DNAJC5B: variants seen among roughly 807,000 people sequenced by gnomAD.
The protein encoded by DNAJC5B is dnaJ homolog subfamily C member 5B.
A neutral mutation model predicts 24.7 loss-of-function variants in DNAJC5B; 23 were observed. That is an observed-to-expected ratio of 0.93 (90% CI 0.67 to 1.32). The LOEUF (loss-of-function observed/expected upper bound fraction) is 1.32, where lower values mean the gene tolerates loss of function less well. Among genes scored for constraint, DNAJC5B ranks in the 40% most tolerant of loss-of-function variants. The pLI, the probability that DNAJC5B is intolerant of heterozygous loss-of-function variation, is 0.00. For missense variants in DNAJC5B, 238 were observed against 240.8 expected (o/e 0.99, Z 0.08); for synonymous variants, 101 against 90.1 (o/e 1.12, Z -0.68).
At chr8:66,092,688 A>G (rs1037410414) in intron 5 of DNAJC5B, among the ~76,000 whole-genome samples, 1 of 152,150 alleles carries the variant, frequency 6.6e-6, no homozygotes, top group African/African-American at 2.4e-5. Context: ...TAGTATTACA[A>G]CTATATTTAT....
At position 66,044,366 on chromosome 8, in the gene DNAJC5B, G is replaced by A. The variant is rs952066128; in HGVS notation, c.-18+755G>A. The stretch of plus-strand genomic sequence containing the variant: ...TGTGTTTAATGATCTAATCTCCTCT[G>A]CCCACATTCATTTTCTCAGTTGTGA... On this transcript the variant is annotated intron_variant, in intron 2 of 5. Transcript: ENST00000276570. Among the ~76,000 whole-genome samples the A allele has an allele frequency of 2.0e-5, 3 of 152,218 alleles. No individual in the cohort carries two copies. The East Asian group carries it at 5.8e-4, about 29-fold the overall frequency.
At chr8:66,037,553 G>A (rs990316185) in intron 1 of DNAJC5B, among the ~76,000 whole-genome samples, 3 of 152,204 alleles carry the variant, frequency 2.0e-5, no homozygotes, top group Non-Finnish European at 4.4e-5. Context: ...GCTTGTGGAA[G>A]AATCTGTACC....
intron 1 of DNAJC5B, among the ~76,000 whole-genome samples, chr8:66,040,112 C>T (rs1806575057): frequency 6.6e-6 from 1 of 152,106 alleles, no homozygotes; most frequent in African/African-American, 2.4e-5. Context: ...TGACTTGCGG[C>T]CACACACAGT....
intron 5 of DNAJC5B, among the ~76,000 whole-genome samples, chr8:66,081,651 T>C (rs1807598843): frequency 6.6e-6 from 1 of 152,082 alleles, no homozygotes; most frequent in Admixed American, 6.5e-5. Context: ...TTACCCACCC[T>C]GACTCCAGCT....
intron 1 of DNAJC5B, among the ~76,000 whole-genome samples, chr8:66,022,023 A>C (rs1210643355): frequency 6.6e-6 from 1 of 152,240 alleles, no homozygotes; most frequent in Non-Finnish European, 1.5e-5. Flanking sequence ...AAACAAAAGT[A>C]ATAAAAGGTG....
chr8:66,068,616 A>G (rs1261634961), intron 3 of DNAJC5B, among the ~76,000 whole-genome samples: 1 of 152,104 alleles, frequency 6.6e-6, no homozygotes, highest in African/African-American at 2.4e-5. Flanking sequence ...AAGATTTATT[A>G]AGTTAGATAT....
intron 3 of DNAJC5B, chr8:66,056,397 T>C (rs1806964100): frequency 6.6e-6 from 1 of 152,086 alleles, no homozygotes; most frequent in Non-Finnish European, 1.5e-5. Context: ...GAGACCCCAC[T>C]TGACAGAGGA....
chr8:66,075,360 A>T (rs2128963558), intron 3 of DNAJC5B, among the ~76,000 whole-genome samples: 1 of 152,040 alleles, frequency 6.6e-6, no homozygotes, highest in Admixed American at 6.5e-5. Flanking sequence ...CCTAGACATG[A>T]TATCTTTGGA....
chr8:66,068,705 G>A (rs1375759015), intron 3 of DNAJC5B, among the ~76,000 whole-genome samples: 1 of 152,012 alleles, frequency 6.6e-6, no homozygotes, highest in Non-Finnish European at 1.5e-5. Context: ...CGATTTTCCA[G>A]GTTCATGAAA....
chr8:66,082,372 C>A (rs949799671), intron 5 of DNAJC5B, among the ~76,000 whole-genome samples: 2 of 152,076 alleles, frequency 1.3e-5, no homozygotes, highest in African/African-American at 4.8e-5. Flanking sequence ...CTTCTCTGAA[C>A]AGCCTCACAG....
intron 1 of DNAJC5B, among the ~76,000 whole-genome samples, chr8:66,027,619 C>T (rs1406072285): frequency 6.6e-6 from 1 of 152,142 alleles, no homozygotes; most frequent in Non-Finnish European, 1.5e-5. Flanking sequence ...GTTGAGAAGA[C>T]AACTTACTTG....
intron 1 of DNAJC5B, among the ~76,000 whole-genome samples, chr8:66,032,734 C>T (rs762661871): frequency 2.6e-5 from 4 of 152,244 alleles, no homozygotes; most frequent in African/African-American, 7.2e-5. Context: ...GATTCACCCA[C>T]GAGCAGGCCT....
At chr8:66,046,253 C>T (rs79956530) in intron 2 of DNAJC5B, among the ~76,000 whole-genome samples, 11,431 of 152,198 alleles carry the variant, frequency 0.075, 483 homozygotes, top group African/African-American at 0.11. Context: ...TAACTAACCC[C>T]TTCAGGAGCT....
At chr8:66,080,847 G>C (rs2128964749) in intron 5 of DNAJC5B, among the ~76,000 whole-genome samples, 1 of 152,288 alleles carries the variant, frequency 6.6e-6, no homozygotes, top group South Asian at 2.1e-4. Flanking sequence ...CTGGATTCAG[G>C]GAGGATTGGG....
rs751851443 is a variant in DNAJC5B at position 66,076,640 on chromosome 8, T to G, written c.120-20T>G. ...CTTGTCAAATAACACACTCTCCTTG[T>G]TTTTCTTTTATTTTAAAAGAAAATT... On this transcript the variant is annotated intron_variant, in intron 3 of 5. Coordinates refer to ENST00000276570, the MANE Select transcript of DNAJC5B (RefSeq NM_033105.6). The G allele has an allele frequency of 6.2e-7, 1 of 1,612,704 alleles. No individual in the cohort carries two copies. Among genetic ancestry groups the G allele is most frequent in the South Asian group, 1.1e-5 (1 of 91,002 alleles).
chr8:66,077,226 A>G (rs907921887), intron 4 of DNAJC5B, among the ~76,000 whole-genome samples: 1 of 152,228 alleles, frequency 6.6e-6, no homozygotes, highest in African/African-American at 2.4e-5. Context: ...AAATTTAGCC[A>G]TGTCCTTTTC....
chr8:66,048,667 T>C (rs967281390), intron 2 of DNAJC5B, among the ~76,000 whole-genome samples: 9 of 152,122 alleles, frequency 5.9e-5, no homozygotes, highest in African/African-American at 2.2e-4. Flanking sequence ...CATGTTGATA[T>C]ATGCAAATAG....
chr8:66,017,253 T>G (rs1805979265), upstream of DNAJC5B, among the ~76,000 whole-genome samples: 2 of 152,376 alleles, frequency 1.3e-5, no homozygotes, highest in South Asian at 4.1e-4. Flanking sequence ...AGCATTCAAC[T>G]CAAACGACTT....
intron 1 of DNAJC5B, among the ~76,000 whole-genome samples, chr8:66,037,359 G>A (rs981496581): frequency 1.3e-5 from 2 of 152,188 alleles, no homozygotes; most frequent in Admixed American, 1.3e-4. Context: ...GGGCATGAGA[G>A]GCTTCGTGGG....
Sources: allele counts gnomAD v4.1 joint callset (sites outside exome capture counted in the v4.1 genomes callset), GRCh38; gene constraint gnomAD v4.1.1; transcripts MANE v1.5; gene names NCBI Gene and HGNC (gene_info 2026-07-23, HGNC 2026-07-21).